Variants in NEDD1 observed in about 807,000 individuals in gnomAD.
The protein encoded by NEDD1 is protein NEDD1.
In NEDD1, 33 loss-of-function variants were observed where a neutral mutation model predicts 74.0. The observed-to-expected ratio is 0.45, with a 90% CI of 0.34 to 0.60. The LOEUF is 0.60. Ranked by LOEUF, NEDD1 falls within the 20% of genes least tolerant of loss-of-function variation. The probability of loss-of-function intolerance (pLI) is 0.01; values close to 1 mark genes in which losing one functional copy is unlikely to be tolerated. For synonymous variants in NEDD1, 250 were observed against 264.4 expected (o/e 0.95, Z 0.53); for missense variants, 746 against 776.5 (o/e 0.96, Z 0.47).
intron 4 of NEDD1, among the ~76,000 whole-genome samples, chr12:96,917,150 A>G (rs1245085303): frequency 6.6e-6 from 1 of 152,138 alleles, no homozygotes; most frequent in Non-Finnish European, 1.5e-5. Context: ...AAGTATCTTG[A>G]CTTCTTTAAA....
chr12:96,953,081 AAGTGAAGCTTGGGGGGGCTACT>A lies in NEDD1; in HGVS notation c.*1029_*1050del, dbSNP rs767411560. The A allele has an allele frequency of 2.0e-5, 3 of 151,648 alleles. No homozygotes were observed. The South Asian group carries it at 6.2e-4, about 31-fold the overall frequency. 9.4% of individuals were successfully genotyped at this position (151,648 alleles called of 1,614,324 possible). ...CTACTATGATCTACAATTTTAGGTT[AAGTGAAGCTTGGGGGGGCTACT>A]GACTTGGTTACCTTCTTGTCTCTTG... On this transcript the variant is annotated 3_prime_UTR_variant, in exon 16 of 16. Coordinates refer to ENST00000266742, the MANE Select transcript of NEDD1 (RefSeq NM_152905.4).
chr12:96,923,116 C>G (rs1406380776), intron 6 of NEDD1, among the ~76,000 whole-genome samples: 1 of 144,410 alleles, frequency 6.9e-6, no homozygotes, highest in Admixed American at 6.9e-5. Context: ...GACCCTGTCT[C>G]AAAAGAAAAA....
At position 96,943,588 on chromosome 12, in the gene NEDD1, A is replaced by T; in HGVS notation, c.1323A>T (p.Ser441=). The part of the protein sequence containing the change: ...DGFDFLPQLN[S]VFPPRKNPVT... ...TTGACTTTCTACCGCAGTTGAACTC[A>T]GTGTTTCCTCCAAGAAAAAATCCAG... Residue 441 remains serine, a synonymous_variant, in exon 12 of 16, where the codon TCA becomes TCT. Transcript: ENST00000266742. The T allele has an allele frequency of 6.2e-7, 1 of 1,613,152 alleles. No homozygotes were observed.
chr12:96,937,137 T>C lies in NEDD1; in HGVS notation c.922-61T>C, dbSNP rs538328400. ...TTAATCTAACAGGGAATTTATAAAA[T>C]ATTAATGTATAGTATGAAACATTAG... is the stretch of plus-strand genomic sequence containing the variant. On this transcript the variant is annotated intron_variant, in intron 8 of 15. Coordinates refer to ENST00000266742, the MANE Select transcript of NEDD1 (RefSeq NM_152905.4). 335 of 899,602 alleles carry C rather than the reference T, an allele frequency of 3.7e-4. 1 individual carries two copies. The South Asian group carries it at 6.8e-3, about 18-fold the overall frequency. 55.7% of individuals were successfully genotyped at this position (899,602 alleles called of 1,614,324 possible).
chr12:96,911,984 C>G (rs1394934970), intron 3 of NEDD1, among the ~76,000 whole-genome samples: 1 of 152,056 alleles, frequency 6.6e-6, no homozygotes, highest in South Asian at 2.1e-4. Flanking sequence ...TGTTATGGCT[C>G]TCAAAATCAG....
chr12:96,939,071 T>C lies in NEDD1; in HGVS notation c.1118-1338T>C, dbSNP rs184406829. ...GGCACTCAGTACACTATGGTGTTGA[T>C]ACTATCATTGTGGTCATCATGATCA... On this transcript the variant is annotated intron_variant, in intron 9 of 15. Transcript: ENST00000266742. Among the ~76,000 whole-genome samples the C allele has an allele frequency of 5.9e-5, 9 of 152,156 alleles. No homozygotes were observed. The East Asian group carries it at 1.7e-3, about 29-fold the overall frequency.
chr12:96,917,486 A>G (rs1874586728), intron 4 of NEDD1, 135 bp from the exon 5 acceptor site: 1 of 1,009,964 alleles, frequency 9.9e-7, no homozygotes, highest in Non-Finnish European at 1.3e-6. Flanking sequence ...GTGGCTCTTT[A>G]GTACAAGATT....
At chr12:96,915,337 T>A (rs1874325156) in intron 4 of NEDD1, among the ~76,000 whole-genome samples, 1 of 152,182 alleles carries the variant, frequency 6.6e-6, no homozygotes, top group African/African-American at 2.4e-5. Context: ...AGTACAAGAT[T>A]AGCATGTTTA....
intron 6 of NEDD1, among the ~76,000 whole-genome samples, chr12:96,922,134 GA>G (rs1223172533): frequency 1.3e-5 from 2 of 152,134 alleles, no homozygotes; most frequent in Non-Finnish European, 2.9e-5. Flanking sequence ...CAGAATCATA[GA>G]ATCCTTGAAC....
At chr12:96,939,147 T>C (rs970222666) in intron 9 of NEDD1, among the ~76,000 whole-genome samples, 3 of 152,066 alleles carry the variant, frequency 2.0e-5, no homozygotes, top group African/African-American at 7.2e-5. Context: ...AGAAAAAAAT[T>C]CTGTTGCTTC....
chr12:96,951,375 T>G lies in NEDD1; in HGVS notation c.1812-57T>G, dbSNP rs1021013265. On this transcript the variant is annotated intron_variant, in intron 14 of 15. Transcript: ENST00000266742. ...GAAAAAGTTTAGTGAGTTTCTTGAA[T>G]GACCTAGAATTGGTTAAACTATTGT... 15 of 925,712 alleles carry G rather than the reference T, an allele frequency of 1.6e-5. No homozygotes were observed. In the South Asian group the frequency reaches 2.4e-4, roughly 15 times the overall value. 57.3% of individuals were successfully genotyped at this position (925,712 alleles called of 1,614,324 possible).
chr12:96,923,827 T>TGTGTGTGA (rs1555201764), intron 6 of NEDD1, among the ~76,000 whole-genome samples: 1 of 149,772 alleles, frequency 6.7e-6, no homozygotes, highest in Admixed American at 6.7e-5. Flanking sequence ...TGTGTGTGTG[T>TGTGTGTGA]GTGAAACTGT....
intron 7 of NEDD1, among the ~76,000 whole-genome samples, chr12:96,936,319 C>G (rs1877082598): frequency 6.6e-6 from 1 of 152,134 alleles, no homozygotes; most frequent in African/African-American, 2.4e-5. Context: ...CATTCACTGT[C>G]AGAGTAATAA....
intron 4 of NEDD1, 68 bp downstream of exon 4, chr12:96,912,885 G>C (rs1279580919): frequency 3.9e-6 from 3 of 762,326 alleles, no homozygotes; most frequent in Non-Finnish European, 6.8e-6. Flanking sequence ...ATTGCTTATT[G>C]TGGTGCTTGC....
intron 13 of NEDD1, 100 bp from the exon 14 acceptor site, chr12:96,945,593 G>A: frequency 1.5e-6 from 1 of 676,996 alleles, no homozygotes; most frequent in Non-Finnish European, 2.5e-6. Flanking sequence ...ACTCTTCTTT[G>A]CCAGTTTTTC....
intron 12 of NEDD1, among the ~76,000 whole-genome samples, chr12:96,944,432 A>T (rs1349706866): frequency 1.3e-5 from 2 of 151,356 alleles, no homozygotes; most frequent in African/African-American, 4.8e-5. Flanking sequence ...TCCTCATGTT[A>T]TTGTTGAGAT....
chr12:96,934,947 A>G (rs772647839), intron 6 of NEDD1, 29 bp from the exon 7 acceptor site: 31 of 1,319,274 alleles, frequency 2.3e-5, no homozygotes, highest in Admixed American at 1.9e-4. Flanking sequence ...GCTTATAATT[A>G]CATAAAATTT....
intron 9 of NEDD1, 83 bp from the exon 10 acceptor site, chr12:96,940,326 G>A: frequency 1.4e-6 from 1 of 728,854 alleles, no homozygotes; most frequent in Non-Finnish European, 2.2e-6. Flanking sequence ...CAATATGAGT[G>A]ATACATTAAT....
At chr12:96,914,632 G>A (rs1459191066) in intron 4 of NEDD1, among the ~76,000 whole-genome samples, 1 of 152,076 alleles carries the variant, frequency 6.6e-6, no homozygotes, top group African/African-American at 2.4e-5. Context: ...TGTATTATTT[G>A]AGGCATTAGA....
Sources: allele counts gnomAD v4.1 joint callset (sites outside exome capture counted in the v4.1 genomes callset), GRCh38; gene constraint gnomAD v4.1.1; transcripts MANE v1.5; gene names NCBI Gene and HGNC (gene_info 2026-07-23, HGNC 2026-07-21).